C17orf78: variants seen among roughly 807,000 people sequenced by gnomAD.
C17orf78 encodes chromosome 17 open reading frame 78, also known as uncharacterized protein C17orf78.
Under a neutral mutation model 31.8 loss-of-function variants are expected in C17orf78, and 27 were observed. That is an observed-to-expected ratio of 0.85 (90% CI 0.63 to 1.17). The LOEUF is 1.17. Among genes scored for constraint, C17orf78 ranks in the 50% most tolerant of loss-of-function variants. The pLI is 0.00. For synonymous variants in C17orf78, 106 were observed against 115.1 expected (o/e 0.92, Z 0.51); for missense variants, 258 against 315.2 (o/e 0.82, Z 1.37).
intron 3 of C17orf78, among the ~76,000 whole-genome samples, chr17:37,380,884 CCG>C (rs1191917664): frequency 2.1e-3 from 311 of 151,000 alleles, no homozygotes; most frequent in Middle Eastern, 6.8e-3. Context: ...GCGTGAGCCA[CCG>C]TGCCTGGCCA....
At chr17:37,389,180 G>C in intron 5 of C17orf78, 66 bp from the exon 6 acceptor site, 1 of 1,523,094 alleles carries the variant, frequency 6.6e-7, no homozygotes, top group Non-Finnish European at 8.9e-7. Flanking sequence ...CCCAACAAGA[G>C]GTTTGGAAGA....
intron 6 of C17orf78, among the ~76,000 whole-genome samples, chr17:37,390,334 A>ATATATATATATATCTAT (rs2050822111): frequency 1.1e-5 from 1 of 93,442 alleles, no homozygotes; most frequent in East Asian, 3.4e-4. Flanking sequence ...ATATATATAT[A>ATATATATATATATCTAT]AAAGGCCAGC....
chr17:37,384,136 C>T (rs530771239), intron 3 of C17orf78, among the ~76,000 whole-genome samples: 1 of 152,072 alleles, frequency 6.6e-6, no homozygotes, highest in Non-Finnish European at 1.5e-5. Context: ...TAGTGGTGTG[C>T]GCCTGTTGTC....
Position 37,381,809 on chromosome 17 carries a change from G to A in C17orf78, c.391+2427G>A, listed in dbSNP as rs866632437. 4.8e-4 allele frequency among the ~76,000 whole-genome samples: 72 copies of A among 151,206 alleles called. 1 individual carries two copies. The highest frequency in any genetic ancestry group is 1.2e-3 in the Admixed American group (18 of 15,164). On this transcript the variant is annotated intron_variant, in intron 3 of 6. Coordinates refer to ENST00000615133, the MANE Select transcript of C17orf78 (RefSeq NM_173625.5). ...CACCCAGTTAATTTTTTGTATTTTT[G>A]GTAGAGATGGGGTTTCACCGTGTTG...
chr17:37,384,095 C>A (rs144295333), intron 3 of C17orf78, among the ~76,000 whole-genome samples: 1 of 152,170 alleles, frequency 6.6e-6, no homozygotes, highest in Admixed American at 6.5e-5. Context: ...GAAACCCCGT[C>A]TCTACTAAAA....
intron 1 of C17orf78, among the ~76,000 whole-genome samples, chr17:37,377,247 T>C (rs899461096): frequency 9.2e-5 from 14 of 152,204 alleles, no homozygotes; most frequent in Non-Finnish European, 1.8e-4. Flanking sequence ...TAGACTTTCA[T>C]TAACTTAGTA....
chr17:37,390,140 GTATATATATATA>G (rs1243535532), intron 6 of C17orf78, among the ~76,000 whole-genome samples: 448 of 34,622 alleles, frequency 0.013, 35 homozygotes, highest in African/African-American at 0.054. Context: ...AAAAAAAAAA[GTATATATATATA>G]TATATATATA....
chr17:37,386,410 G>A (rs1468678357), intron 4 of C17orf78, among the ~76,000 whole-genome samples: 6 of 151,988 alleles, frequency 3.9e-5, no homozygotes, highest in African/African-American at 1.2e-4. Context: ...TGACCAACAC[G>A]GTGAAAACCC....
chr17:37,381,686 G>A lies in C17orf78; in HGVS notation c.391+2304G>A, dbSNP rs1334380748. On this transcript the variant is annotated intron_variant, in intron 3 of 6. Transcript: ENST00000615133. ...TCCGTTGCCCAGGCTGGAGTGCAGT[G>A]GTGCGATCTCAGCTCACTGCAAGCT... Among the ~76,000 whole-genome samples, 4 of 143,604 alleles carry A rather than the reference G, an allele frequency of 2.8e-5. No homozygotes were observed. The Admixed American group carries it at 2.9e-4, about 10-fold the overall frequency. 94.2% of individuals were successfully genotyped at this position (143,604 alleles called of 152,430 possible). A position where few individuals can be genotyped will look rare whatever the true frequency, so the allele number is the denominator to read the frequency against.
intron 3 of C17orf78, among the ~76,000 whole-genome samples, chr17:37,384,686 A>AT (rs1284022759): frequency 2.0e-5 from 3 of 152,154 alleles, no homozygotes; most frequent in Non-Finnish European, 4.4e-5. Flanking sequence ...TATGATGAAA[A>AT]TGTTCTTGTT....
At chr17:37,389,481 G>A in intron 6 of C17orf78, 119 bp downstream of exon 6, 2 of 1,365,140 alleles carry the variant, frequency 1.5e-6, no homozygotes, top group Non-Finnish European at 2.0e-6. Context: ...TGGATCACCT[G>A]AGGTGATCGA....
intron 6 of C17orf78, among the ~76,000 whole-genome samples, chr17:37,390,254 TATATATAATTATATATA>T (rs1224588021): frequency 3.0e-4 from 9 of 30,018 alleles, no homozygotes; most frequent in South Asian, 2.4e-3. Flanking sequence ...ATATATATAT[TATATATAATTATATATA>T]ATATATTATA....
At chr17:37,388,904 A>T in intron 5 of C17orf78, 110 bp downstream of exon 5, 1 of 1,385,598 alleles carries the variant, frequency 7.2e-7, no homozygotes, top group Non-Finnish European at 9.9e-7. Flanking sequence ...ATTTGAGGAG[A>T]TGTGCCACTC....
rs1555672373 is a variant in C17orf78, at chr17:37,390,330, A to ATATCTATATATCTATATATC, written c.750+971_750+972insCTATATATCTATATATCTAT. On this transcript the variant is annotated intron_variant, in intron 6 of 6. Transcript: ENST00000615133. ...TATATATATATATATATATATATATATATAAAAGGCCAGCTGGGCCGGGCA... is the reference window on the plus strand; with the variant it reads ...TATATATATATATATATATATATATATATCTATATATCTATATATCTATAAAAGGCCAGCTGGGCCGGGCA... 5.1e-3 allele frequency among the ~76,000 whole-genome samples: 211 copies of ATATCTATATATCTATATATC among 41,580 alleles called. 18 individuals are homozygous for ATATCTATATATCTATATATC. The highest frequency in any genetic ancestry group is 0.016 in the East Asian group (10 of 612). 27.3% of individuals were successfully genotyped at this position (41,580 alleles called of 152,430 possible). A position where few individuals can be genotyped will look rare whatever the true frequency, so the allele number is the denominator to read the frequency against.
At chr17:37,382,731 G>A (rs527929426) in intron 3 of C17orf78, among the ~76,000 whole-genome samples, 1 of 152,268 alleles carries the variant, frequency 6.6e-6, no homozygotes, top group South Asian at 2.1e-4. Context: ...ATGGTGGCGT[G>A]TGCCTGTAGT....
At chr17:37,382,981 G>A (rs2050371264) in intron 3 of C17orf78, among the ~76,000 whole-genome samples, 1 of 152,228 alleles carries the variant, frequency 6.6e-6, no homozygotes, top group Non-Finnish European at 1.5e-5. Flanking sequence ...AGGTTGCAGT[G>A]AGCCAAGATC....
At chr17:37,376,393 T>C (rs2050002950) in intron 1 of C17orf78, among the ~76,000 whole-genome samples, 1 of 152,246 alleles carries the variant, frequency 6.6e-6, no homozygotes, top group African/African-American at 2.4e-5. Context: ...CTTGTTCATG[T>C]AATTAACATT....
Position 37,389,269 on chromosome 17 carries a change from G to C in C17orf78, c.657G>C (p.Lys219Asn), listed in dbSNP as rs970971760. 3.8e-6 allele frequency: 6 copies of C among 1,593,588 alleles called. No homozygotes were observed. The highest frequency in any genetic ancestry group is 1.6e-4 in the Middle Eastern group (1 of 6,068). ...AGTATCAATGCCTAGGAGCCAGGAA[G>C]CTGTGCCAATGCCAGTGGTTGTGGA... is the stretch of plus-strand genomic sequence containing the variant. The part of the protein sequence containing the change: ...PCPYQCLGAR[K>N]LCQCQWLWRW... The change falls in exon 6 of 7, where the codon AAG (lysine) becomes AAC (asparagine). Residue 219 changes from lysine (K) to asparagine (N), a missense_variant. Lys to Asn is a moderately conservative substitution (Grantham distance 94, BLOSUM62 0). Coordinates refer to ENST00000615133, the MANE Select transcript of C17orf78 (RefSeq NM_173625.5).
At chr17:37,377,770 T>C in intron 1 of C17orf78, 109 bp from the exon 2 acceptor site, 3 of 738,112 alleles carry the variant, frequency 4.1e-6, no homozygotes, top group Non-Finnish European at 6.6e-6. Flanking sequence ...GGAACTGCAA[T>C]CTTTCATATC....
Sources: gnomAD v4.1 joint callset for allele counts (sites outside exome capture counted in the v4.1 genomes callset) on GRCh38, gnomAD v4.1.1 for gene constraint, MANE v1.5 for transcripts, NCBI Gene and HGNC (gene_info 2026-07-23, HGNC 2026-07-21) for gene names.